UGT1A6: variants seen among roughly 807,000 people sequenced by gnomAD.
UGT1A6 encodes the protein UDP-glucuronosyltransferase 1A6.
In UGT1A6, 32 loss-of-function variants were observed where a neutral mutation model predicts 44.4. The observed-to-expected ratio is 0.72, with a 90% CI of 0.54 to 0.97. UGT1A6 has a LOEUF of 0.97. UGT1A6 is among the 50% of genes least tolerant of loss of function. The pLI is 0.00. For missense variants in UGT1A6, 685 were observed against 661.9 expected (o/e 1.03, Z -0.38); for synonymous variants, 238 against 248.5 (o/e 0.96, Z 0.40).
At chr2:233,759,598 G>T (rs1449245871) in intron 1 of UGT1A6, among the ~76,000 whole-genome samples, 1 of 32,538 alleles carries the variant, frequency 3.1e-5, no homozygotes, top group Non-Finnish European at 7.1e-5. Flanking sequence ...CCCCACCCCC[G>T]ACCCGCCCCA....
chr2:233,756,091 CATT>C (rs1696120004), intron 1 of UGT1A6: 1 of 152,178 alleles, frequency 6.6e-6, no homozygotes, highest in Admixed American at 6.5e-5. Context: ...AATCAAGTAA[CATT>C]ATTACGGAAA....
At chr2:233,728,889 G>A (rs182630542) in intron 1 of UGT1A6, among the ~76,000 whole-genome samples, 41 of 152,264 alleles carry the variant, frequency 2.7e-4, no homozygotes, top group African/African-American at 9.4e-4. Context: ...TCCCCAGAGT[G>A]AGCACAGGGT....
At chr2:233,743,650 G>C (rs556129739) in intron 1 of UGT1A6, 34 of 1,367,276 alleles carry the variant, frequency 2.5e-5, no homozygotes, top group East Asian at 9.1e-5. Flanking sequence ...AGCTGAAGAC[G>C]TACTCGAAGG....
intron 1 of UGT1A6, chr2:233,713,506 T>C: frequency 6.2e-7 from 1 of 1,613,972 alleles, no homozygotes; most frequent in Non-Finnish European, 8.5e-7. Flanking sequence ...GCTGTGTTTT[T>C]CTTGAGGAAC....
intron 1 of UGT1A6, among the ~76,000 whole-genome samples, chr2:233,757,535 A>AATGTATATATATATATATATATAT (rs1696552153): frequency 1.1e-5 from 1 of 88,312 alleles, no homozygotes; most frequent in Non-Finnish European, 2.2e-5. Context: ...GCCTGTAAGG[A>AATGTATATATATATATATATATAT]ATATATATAT....
At chr2:233,749,544 A>G (rs1407004260) in intron 1 of UGT1A6, among the ~76,000 whole-genome samples, 1 of 151,906 alleles carries the variant, frequency 6.6e-6, no homozygotes, top group Non-Finnish European at 1.5e-5. Context: ...GTGGTAAAGA[A>G]CAGGCTAATG....
chr2:233,709,064 A>G (rs1207906961), intron 1 of UGT1A6, among the ~76,000 whole-genome samples: 2 of 152,084 alleles, frequency 1.3e-5, no homozygotes, highest in Non-Finnish European at 2.9e-5. Flanking sequence ...TCCTAGTTAA[A>G]GTTCTTCTGC....
intron 1 of UGT1A6, among the ~76,000 whole-genome samples, chr2:233,700,095 G>A (rs2075543573): frequency 6.6e-6 from 1 of 152,208 alleles, no homozygotes; most frequent in Non-Finnish European, 1.5e-5. Flanking sequence ...GCCTGGAGGT[G>A]TGGAGGGCAG....
chr2:233,759,839 C>T (rs1697267219), intron 1 of UGT1A6, among the ~76,000 whole-genome samples: 1 of 152,144 alleles, frequency 6.6e-6, no homozygotes, highest in South Asian at 2.1e-4. Context: ...AGTGGGCACT[C>T]TTACAGGTTT....
chr2:233,718,727 A>T, intron 1 of UGT1A6: 1 of 1,610,864 alleles, frequency 6.2e-7, no homozygotes, highest in Non-Finnish European at 8.5e-7. Flanking sequence ...CTGATTTGCT[A>T]GGTGGCTCAA....
At chr2:233,767,557 A>T (rs1326984430) in intron 2 of UGT1A6, among the ~76,000 whole-genome samples, 2 of 152,218 alleles carry the variant, frequency 1.3e-5, no homozygotes, top group African/African-American at 4.8e-5. Flanking sequence ...TTCTGCATCC[A>T]CTTGTTTCAT....
At chr2:233,705,148 AAGAG>A (rs939982250) in intron 1 of UGT1A6, among the ~76,000 whole-genome samples, 12 of 150,988 alleles carry the variant, frequency 7.9e-5, no homozygotes, top group Non-Finnish European at 1.5e-4. Context: ...AAAAAAAAAA[AAGAG>A]AGAGAGAGAG....
chr2:233,742,383 G>T (rs1224558474), intron 1 of UGT1A6, among the ~76,000 whole-genome samples: 1 of 151,994 alleles, frequency 6.6e-6, no homozygotes, highest in African/African-American at 2.4e-5. Flanking sequence ...AGGCACAGAT[G>T]GCTCATGTTA....
intron 1 of UGT1A6, among the ~76,000 whole-genome samples, chr2:233,720,310 T>C (rs1232996751): frequency 6.6e-6 from 1 of 152,138 alleles, no homozygotes; most frequent in Non-Finnish European, 1.5e-5. Context: ...GTCTGGTGTA[T>C]GATGTGGGGA....
At chr2:233,754,205 G>A (rs935702131) in intron 1 of UGT1A6, 1 of 163,140 alleles carries the variant, frequency 6.1e-6, no homozygotes, top group African/African-American at 2.4e-5. Context: ...AAACATTGAA[G>A]TCAAATGATT....
intron 1 of UGT1A6, among the ~76,000 whole-genome samples, chr2:233,757,567 T>TATATATATATATATATATA (rs1553619947): frequency 7.0e-6 from 1 of 142,920 alleles, no homozygotes; most frequent in Non-Finnish European, 1.5e-5. Flanking sequence ...TATATGTATA[T>TATATATATATATATATATA]ATGATATAGC....
chr2:233,709,328 A>G (rs1356489247), intron 1 of UGT1A6, among the ~76,000 whole-genome samples: 1 of 152,084 alleles, frequency 6.6e-6, no homozygotes, highest in Non-Finnish European at 1.5e-5. Context: ...TTTTGTTACT[A>G]GTTTGTCATA....
chr2:233,763,371 A>G (rs1027317735), intron 1 of UGT1A6, among the ~76,000 whole-genome samples: 3 of 152,180 alleles, frequency 2.0e-5, no homozygotes, highest in African/African-American at 7.2e-5. Flanking sequence ...TTTGTCTTCA[A>G]GCTTTCTTCC....
intron 1 of UGT1A6, among the ~76,000 whole-genome samples, chr2:233,725,530 A>T (rs1438339071): frequency 6.6e-6 from 1 of 152,162 alleles, no homozygotes; most frequent in African/African-American, 2.4e-5. Context: ...TTGTTTAACC[A>T]GACATATCAC....
Sources: allele counts gnomAD v4.1 joint callset (sites outside exome capture counted in the v4.1 genomes callset), GRCh38; gene constraint gnomAD v4.1.1; transcripts MANE v1.5; gene names NCBI Gene and HGNC (gene_info 2026-07-23, HGNC 2026-07-21).